The following TECPR2 variants were observed in gnomAD, a reference collection of about 807,000 sequenced individuals.
TECPR2 encodes tectonin beta-propeller repeat-containing protein 2.
TECPR2 carries 65 observed loss-of-function variants against 138.1 expected under a neutral mutation model. The ratio of observed to expected loss-of-function variants is 0.47; its 90% CI spans 0.39 to 0.58. The LOEUF (loss-of-function observed/expected upper bound fraction) is 0.58, where lower values mean the gene tolerates loss of function less well. Among genes scored for constraint, TECPR2 ranks in the 20% least tolerant of loss-of-function variants. The probability of loss-of-function intolerance (pLI) is 0.00; values close to 1 mark genes in which losing one functional copy is unlikely to be tolerated. For synonymous variants in TECPR2, 746 were observed against 749.8 expected (o/e 0.99, Z 0.08); for missense variants, 1,553 against 1,824.5 (o/e 0.85, Z 2.71).
chr14:102,435,331 A>G, intron 9 of TECPR2, 120 bp downstream of exon 9: 1 of 1,398,054 alleles, frequency 7.2e-7, no homozygotes, highest in Non-Finnish European at 9.5e-7. Flanking sequence ...CAAAATCCGT[A>G]GGCCAACTCT....
At chr14:102,423,598 T>A (rs1356323210) in intron 5 of TECPR2, among the ~76,000 whole-genome samples, 1 of 152,132 alleles carries the variant, frequency 6.6e-6, no homozygotes, top group African/African-American at 2.4e-5. Flanking sequence ...TGGGCTAGAC[T>A]ATGTGGGTGT....
chr14:102,408,098 G>A (rs1345706971), intron 3 of TECPR2, among the ~76,000 whole-genome samples: 2 of 152,028 alleles, frequency 1.3e-5, no homozygotes, highest in Admixed American at 6.6e-5. Context: ...GAACCCGGGA[G>A]GCAGAGGTCA....
chr14:102,493,168 A>T (rs1277369711), intron 17 of TECPR2, among the ~76,000 whole-genome samples: 1 of 152,190 alleles, frequency 6.6e-6, no homozygotes, highest in African/African-American at 2.4e-5. Context: ...TTGACTTACT[A>T]TTCAAAAGCT....
chr14:102,463,416 CAAAAAAAAAA>C (rs550694466), intron 16 of TECPR2, among the ~76,000 whole-genome samples: 4 of 38,534 alleles, frequency 1.0e-4, no homozygotes, highest in South Asian at 9.3e-4. Context: ...GACTCCGTCT[CAAAAAAAAAA>C]AAAAAAAAAA....
chr14:102,501,675 A>G lies in TECPR2; in HGVS notation c.*3418A>G, dbSNP rs1375725896. ...TAAAAACCTATACAACAATAAGAGG[A>G]GTGCGCCCTTCAGCAGCATGTATAC... On this transcript the variant is annotated 3_prime_UTR_variant, in exon 20 of 20. Transcript: ENST00000359520. The G allele has an allele frequency of 1.3e-5, 2 of 152,250 alleles. No individual in the cohort carries two copies. The highest frequency in any genetic ancestry group is 2.9e-5 in the Non-Finnish European group (2 of 68,042). 9.4% of individuals were successfully genotyped at this position (152,250 alleles called of 1,614,324 possible).
chr14:102,501,874 G>C lies in TECPR2; in HGVS notation c.*3617G>C, dbSNP rs1891443579. 6.6e-6 allele frequency: 1 copy of C among 152,210 alleles called. No homozygotes were observed. The highest frequency in any genetic ancestry group is 2.4e-5 in the African/African-American group (1 of 41,456). The allele number at this position is 152,210 out of a possible 1,614,324, so 9.4% of individuals were successfully genotyped here. ...CACTGGCCCAAACCCCCAGCACCCC[G>C]GAAGCAGAGGTGAGATGGGAGCAGC... On this transcript the variant is annotated 3_prime_UTR_variant, in exon 20 of 20. Coordinates refer to ENST00000359520, the MANE Select transcript of TECPR2 (RefSeq NM_014844.5).
intron 1 of TECPR2, among the ~76,000 whole-genome samples, chr14:102,371,789 T>C (rs1228849781): frequency 1.3e-5 from 2 of 152,222 alleles, no homozygotes; most frequent in Non-Finnish European, 2.9e-5. Flanking sequence ...GGTTTATCCA[T>C]ACAGTGTGTT....
rs1889141972 is a variant in TECPR2 at position 102,420,212 on chromosome 14, G to T, written c.639-4767G>T. Among the ~76,000 whole-genome samples the T allele has an allele frequency of 6.6e-6, 1 of 152,106 alleles. No individual in the cohort carries two copies. The highest frequency in any genetic ancestry group is 2.4e-5 in the African/African-American group (1 of 41,414). ...TATAAAGGGAATTAAAATTTTTTTA[G>T]GTAATCAATGAGGTTTTTGGAAATC... On this transcript the variant is annotated intron_variant, in intron 5 of 19. Coordinates refer to ENST00000359520, the MANE Select transcript of TECPR2 (RefSeq NM_014844.5). This position sits in a 1 kb window ranked among gnomAD's most constrained non-coding sequence, Gnocchi z 4.1.
chr14:102,447,028 A>G (rs186889564), intron 13 of TECPR2, among the ~76,000 whole-genome samples: 25 of 152,338 alleles, frequency 1.6e-4, no homozygotes, highest in African/African-American at 5.8e-4. Context: ...TTCAGCAAAG[A>G]CAGGAGAATT....
At chr14:102,366,473 A>G (rs1191031415) in intron 1 of TECPR2, among the ~76,000 whole-genome samples, 2 of 151,998 alleles carry the variant, frequency 1.3e-5, no homozygotes, top group East Asian at 3.9e-4. Flanking sequence ...CAGCCTCCCA[A>G]GTAGCTGGGA....
intron 2 of TECPR2, among the ~76,000 whole-genome samples, chr14:102,388,553 G>A (rs149251368): frequency 9.2e-5 from 14 of 152,082 alleles, no homozygotes; most frequent in Non-Finnish European, 4.4e-5. Context: ...AATTGGCTGG[G>A]CGCAGTGGCT....
chr14:102,381,253 G>A (rs550994374), intron 2 of TECPR2, among the ~76,000 whole-genome samples: 7 of 152,276 alleles, frequency 4.6e-5, no homozygotes, highest in South Asian at 4.1e-4. Context: ...GAGCCACTGC[G>A]CCTGGCCGAT....
intron 2 of TECPR2, 93 bp from the exon 3 acceptor site, chr14:102,407,245 T>G (rs1037250469): frequency 3.4e-6 from 5 of 1,452,490 alleles, no homozygotes; most frequent in Non-Finnish European, 4.6e-6. Context: ...TGCAGCCTGA[T>G]GAAGTTTTTC....
At chr14:102,464,938 G>A (rs1890514586) in intron 16 of TECPR2, among the ~76,000 whole-genome samples, 2 of 152,182 alleles carry the variant, frequency 1.3e-5, no homozygotes, top group African/African-American at 4.8e-5. Context: ...ACTCTCTTGA[G>A]TTACGGTGTT....
At chr14:102,399,291 T>G (rs1340547408) in intron 2 of TECPR2, among the ~76,000 whole-genome samples, 5 of 151,682 alleles carry the variant, frequency 3.3e-5, no homozygotes, top group African/African-American at 4.8e-5. Flanking sequence ...AAAAACAAAG[T>G]TTGGAGGCAA....
Position 102,497,671 on chromosome 14 carries a change from G to A in TECPR2, c.4033G>A (p.Ala1345Thr), listed in dbSNP as rs77170608. The A allele has an allele frequency of 6.1e-4, 989 of 1,608,894 alleles. 5 individuals are homozygous for A. In the East Asian group the frequency reaches 0.017, roughly 28 times the overall value. Residue 1345 changes from alanine to threonine, a missense_variant, in exon 19 of 20, where the codon GCC becomes ACC. Physicochemically the swap from Ala to Thr is moderately conservative, Grantham distance 58 (BLOSUM62 0). Coordinates refer to ENST00000359520, the MANE Select transcript of TECPR2 (RefSeq NM_014844.5). ...RRYGVTDKNP[A>T]GDYWKKIPGS... ...GTACGGCGTCACAGACAAGAACCCC[G>A]CCGGGGACTACTGGAAGAAAATTCC...
At chr14:102,438,290 C>T in intron 10 of TECPR2, 85 bp downstream of exon 10, 1 of 1,461,954 alleles carries the variant, frequency 6.8e-7, no homozygotes, top group South Asian at 1.3e-5. Context: ...CATCTTAGTA[C>T]AGGGCTCCCC....
At position 102,485,685 on chromosome 14, in the gene TECPR2, G is replaced by A. The variant is rs1288516404; in HGVS notation, c.3790-11294G>A. On this transcript the variant is annotated intron_variant, in intron 17 of 19. Coordinates refer to ENST00000359520, the MANE Select transcript of TECPR2 (RefSeq NM_014844.5). ...GTGTGCCCCCAGTAAAACCATGAGC[G>A]GCAGGAAGGGGAGCCCCTCGCGATG... is the stretch of plus-strand genomic sequence containing the variant. Among the ~76,000 whole-genome samples the A allele has an allele frequency of 3.3e-5, 5 of 152,276 alleles. No individual in the cohort carries two copies. The South Asian group carries it at 6.2e-4, about 19-fold the overall frequency.
chr14:102,441,490 A>C (rs995756030), intron 11 of TECPR2, among the ~76,000 whole-genome samples: 2 of 151,044 alleles, frequency 1.3e-5, no homozygotes, highest in African/African-American at 2.4e-5. Flanking sequence ...CAACCTGGCC[A>C]ACATGGTGAA....
Sources: gnomAD v4.1 joint callset for allele counts (sites outside exome capture counted in the v4.1 genomes callset) on GRCh38, gnomAD v4.1.1 for gene constraint, Gnocchi (gnomAD v3.1) non-coding constraint, MANE v1.5 for transcripts, NCBI Gene and HGNC (gene_info 2026-07-23, HGNC 2026-07-21) for gene names.